Variants in STK26 observed in about 807,000 individuals in gnomAD.
STK26 encodes the protein serine/threonine-protein kinase 26.
A neutral mutation model predicts 34.7 loss-of-function variants in STK26; 14 were observed. The observed-to-expected ratio is 0.40, with a 90% CI of 0.27 to 0.63. STK26 has a LOEUF of 0.63. Ranked by LOEUF, STK26 falls within the 30% of genes least tolerant of loss-of-function variation. The pLI, the probability that STK26 is intolerant of heterozygous loss-of-function variation, is 0.38. For synonymous variants in STK26, 100 were observed against 109.8 expected (o/e 0.91, Z 0.56); for missense variants, 226 against 309.1 (o/e 0.73, Z 2.02).
chrX:132,053,312 G>C (rs1926750427), intron 2 of STK26, among the ~76,000 whole-genome samples: 1 of 111,201 alleles, frequency 9.0e-6, no homozygotes, highest in African/African-American at 3.3e-5. Flanking sequence ...AAGCTTATAA[G>C]GTAAACAGGT....
At position 132,044,963 on chromosome X, in the gene STK26, G is replaced by C. The variant is rs949345654; in HGVS notation, c.43-9668G>C. Among the ~76,000 whole-genome samples, 6 of 105,119 alleles carry C rather than the reference G, an allele frequency of 5.7e-5. No homozygotes were observed. In the South Asian group the frequency reaches 2.6e-3, roughly 45 times the overall value. The allele number at this position is 105,119 out of a possible 115,157, so 91.3% of individuals were successfully genotyped here. On this transcript the variant is annotated intron_variant, in intron 2 of 11. Transcript: ENST00000394334. ...TTCTGAGTACTACTTTATGTTCTGAGTGAATTTACTTCACAACTAGGAGAG... is the reference window on the plus strand; with the variant it reads ...TTCTGAGTACTACTTTATGTTCTGACTGAATTTACTTCACAACTAGGAGAG...
At chrX:132,073,960 C>T (rs1927511126) in intron 11 of STK26, among the ~76,000 whole-genome samples, 175 bp from the exon 12 acceptor site, 1 of 111,811 alleles carries the variant, frequency 8.9e-6, no homozygotes, top group Admixed American at 9.5e-5. Flanking sequence ...GTTGTGAAAT[C>T]AGATGCAGAA....
chrX:132,044,768 GAGAGATCTATATATATATTTATATATAT>G (rs1569330210), intron 2 of STK26, among the ~76,000 whole-genome samples: 1,240 of 39,086 alleles, frequency 0.032, 110 homozygotes, highest in Non-Finnish European at 0.046. Flanking sequence ...TATATATATA[GAGAGATCTATATATATATTTATATATAT>G]AGAGAGAGAT....
At chrX:132,068,988 A>AG (rs1324916527) in intron 6 of STK26, among the ~76,000 whole-genome samples, 1 of 110,232 alleles carries the variant, frequency 9.1e-6, no homozygotes, top group African/African-American at 3.3e-5. Context: ...TCCCACAATC[A>AG]GGTCTTTGCT....
chrX:132,053,075 GT>G (rs1446542684), intron 2 of STK26, among the ~76,000 whole-genome samples: 2 of 111,817 alleles, frequency 1.8e-5, no homozygotes, highest in Non-Finnish European at 3.8e-5. Context: ...TGGCACTCAA[GT>G]TTTTGAGAAG....
intron 2 of STK26, among the ~76,000 whole-genome samples, chrX:132,042,475 GTTC>G (rs1192732062): frequency 9.0e-6 from 1 of 110,752 alleles, no homozygotes; most frequent in Non-Finnish European, 1.9e-5. Context: ...ATTTGTAATA[GTTC>G]TTCTTAGGTT....
intron 2 of STK26, among the ~76,000 whole-genome samples, chrX:132,024,990 C>G (rs1013338735): frequency 9.1e-6 from 1 of 110,275 alleles, no homozygotes; most frequent in Non-Finnish European, 1.9e-5. Flanking sequence ...AAAGATTAAT[C>G]CACTCAAGCC....
At chrX:132,053,706 T>A (rs768517503) in intron 2 of STK26, among the ~76,000 whole-genome samples, 1 of 111,900 alleles carries the variant, frequency 8.9e-6, no homozygotes, top group South Asian at 3.7e-4. Flanking sequence ...ATAAAGCACT[T>A]AATGTGCTTT....
chrX:132,072,448 G>A, intron 9 of STK26, 87 bp downstream of exon 9: 1 of 768,250 alleles, frequency 1.3e-6, no homozygotes, highest in Non-Finnish European at 1.9e-6. Flanking sequence ...TGTTAGGATT[G>A]AATACCCCTA....
chrX:132,057,968 A>G (rs990033709), intron 3 of STK26, among the ~76,000 whole-genome samples: 2 of 111,961 alleles, frequency 1.8e-5, no homozygotes, highest in Admixed American at 9.5e-5. Flanking sequence ...CAGGAGTGGC[A>G]TGAATAAAAG....
At chrX:132,029,912 T>C (rs1192014426) in intron 2 of STK26, among the ~76,000 whole-genome samples, 1 of 111,886 alleles carries the variant, frequency 8.9e-6, no homozygotes, top group Non-Finnish European at 1.9e-5. Flanking sequence ...CCAAATGAGG[T>C]TGTACATTTC....
intron 2 of STK26, among the ~76,000 whole-genome samples, chrX:132,037,425 C>T (rs569350521): frequency 1.3e-4 from 14 of 111,401 alleles, no homozygotes; most frequent in African/African-American, 4.2e-4. Flanking sequence ...GCAGTTTTAG[C>T]GAATTAGGAT....
chrX:132,060,676 C>T (rs1030710120), intron 3 of STK26, among the ~76,000 whole-genome samples: 9 of 106,889 alleles, frequency 8.4e-5, no homozygotes, highest in East Asian at 2.9e-4. Context: ...AGTACAGTGG[C>T]GCAGTCTTGG....
intron 4 of STK26, among the ~76,000 whole-genome samples, chrX:132,065,961 A>G (rs1927206220): frequency 9.0e-6 from 1 of 111,705 alleles, no homozygotes; most frequent in Non-Finnish European, 1.9e-5. Context: ...ATTTGGGGGA[A>G]TCTAAGACAG....
intron 2 of STK26, among the ~76,000 whole-genome samples, chrX:132,048,527 ACTAC>A (rs1389675408): frequency 8.9e-6 from 1 of 111,911 alleles, no homozygotes; most frequent in African/African-American, 3.2e-5. Flanking sequence ...CCACTAGTTA[ACTAC>A]CTTTTATCTT....
chrX:132,067,585 C>A (rs190942098), intron 4 of STK26, among the ~76,000 whole-genome samples: 8 of 111,785 alleles, frequency 7.2e-5, no homozygotes, highest in African/African-American at 1.3e-4. Context: ...ATATGTGTTA[C>A]ATTTATTTGA....
chrX:132,044,999 A>C (rs1012866079), intron 2 of STK26, among the ~76,000 whole-genome samples: 1 of 106,795 alleles, frequency 9.4e-6, no homozygotes, highest in African/African-American at 3.4e-5. Context: ...AAAGACAAAT[A>C]AAACTTTAGG....
chrX:132,050,508 T>C (rs1316443692), intron 2 of STK26, among the ~76,000 whole-genome samples: 1 of 111,542 alleles, frequency 9.0e-6, no homozygotes, highest in Non-Finnish European at 1.9e-5. Flanking sequence ...GGAACCCACA[T>C]ATATGAAAAG....
At chrX:132,055,476 C>A (rs2124171471) in intron 3 of STK26, 1 of 1,153,066 alleles carries the variant, frequency 8.7e-7, no homozygotes, top group African/African-American at 1.8e-5. Context: ...TTAGCAGACA[C>A]CTGAAGTTCC....
Sources: allele counts gnomAD v4.1 joint callset (sites outside exome capture counted in the v4.1 genomes callset), GRCh38; gene constraint gnomAD v4.1.1; transcripts MANE v1.5; gene names NCBI Gene and HGNC (gene_info 2026-07-23, HGNC 2026-07-21).